Variants in HS6ST1 observed in about 807,000 individuals in gnomAD.
HS6ST1 encodes the protein heparan-sulfate 6-O-sulfotransferase 1.
HS6ST1 carries 3 observed loss-of-function variants against 25.2 expected under a neutral mutation model. The ratio of observed to expected loss-of-function variants is 0.12; its 90% CI spans 0.05 to 0.31. The LOEUF (loss-of-function observed/expected upper bound fraction) is 0.31. Ranked by LOEUF, HS6ST1 falls within the 10% of genes least tolerant of loss-of-function variation. The probability of loss-of-function intolerance (pLI) is 1.00; values close to 1 mark genes in which losing one functional copy is unlikely to be tolerated. For synonymous variants in HS6ST1, 204 were observed against 275.1 expected (o/e 0.74, Z 2.56); for missense variants, 310 against 609.6 (o/e 0.51, Z 5.18).
In HS6ST1 at chr2:128,318,379, G is replaced by A. The variant is rs749924941; in HGVS notation, c.185C>T (p.Pro62Leu). 1.6e-5 allele frequency: 26 copies of A among 1,608,798 alleles called. No individual in the cohort carries two copies. The highest frequency in any genetic ancestry group is 8.5e-6 in the Non-Finnish European group (10 of 1,178,318). Residue 62 changes from proline (P) to leucine (L), a missense_variant, in exon 1 of 2, where the codon CCC (proline) becomes CTC (leucine). Coordinates refer to ENST00000259241, the MANE Select transcript of HS6ST1 (RefSeq NM_004807.3). This position sits in a 1 kb window ranked among gnomAD's most constrained non-coding sequence, Gnocchi z 5.7. The part of the protein sequence containing the change: ...DDLDLFPTPD[P>L]HYEKKYYFPV... ...GAAGTAGTACTTCTTCTCGTAGTGG[G>A]GGTCGGGTGTGGGGAACAGGTCCAG... is the stretch of plus-strand genomic sequence containing the variant.
At chr2:128,300,307 C>T (rs1409985890) in intron 1 of HS6ST1, among the ~76,000 whole-genome samples, 1 of 152,176 alleles carries the variant, frequency 6.6e-6, no homozygotes, top group Non-Finnish European at 1.5e-5. Context: ...CCATCCCTAC[C>T]TGGACCCTGG....
chr2:128,273,136 T>TA (rs1693636967), intron 1 of HS6ST1, among the ~76,000 whole-genome samples: 1 of 152,170 alleles, frequency 6.6e-6, no homozygotes, highest in Non-Finnish European at 1.5e-5. Flanking sequence ...ATATTAGCAG[T>TA]GCTGGCCCAG....
At chr2:128,292,477 G>A (rs375244809) in intron 1 of HS6ST1, among the ~76,000 whole-genome samples, 6 of 152,014 alleles carry the variant, frequency 3.9e-5, no homozygotes, top group Non-Finnish European at 7.4e-5. Context: ...TCCTCACCCC[G>A]GCGCTCTGGG....
At chr2:128,314,414 G>A (rs561042804) in intron 1 of HS6ST1, among the ~76,000 whole-genome samples, 2 of 152,316 alleles carry the variant, frequency 1.3e-5, no homozygotes, top group African/African-American at 2.4e-5. Context: ...AGGTGGCACG[G>A]TGTCAGATGG....
chr2:128,284,895 C>A (rs577628490), intron 1 of HS6ST1, among the ~76,000 whole-genome samples: 5 of 152,324 alleles, frequency 3.3e-5, no homozygotes, highest in South Asian at 4.1e-4. Context: ...CCCCACCCCC[C>A]ACCTGGTGGT....
chr2:128,268,917 G>A (rs368987588), intron 1 of HS6ST1, 47 bp from the exon 2 acceptor site: 6 of 1,522,822 alleles, frequency 3.9e-6, no homozygotes, highest in South Asian at 2.2e-5. Flanking sequence ...CGCAGCATGA[G>A]GGGGGCTACC....
At chr2:128,317,175 C>T (rs1694384089) in intron 1 of HS6ST1, among the ~76,000 whole-genome samples, 1 of 152,230 alleles carries the variant, frequency 6.6e-6, no homozygotes, top group South Asian at 2.1e-4. Context: ...CCCCAGGTTC[C>T]CCTACAAACG....
chr2:128,314,156 C>T (rs1478936711), intron 1 of HS6ST1, among the ~76,000 whole-genome samples: 10 of 152,168 alleles, frequency 6.6e-5, no homozygotes, highest in African/African-American at 2.4e-4. Flanking sequence ...CTCCCTTGAT[C>T]TCAAAGAAGA....
intron 1 of HS6ST1, among the ~76,000 whole-genome samples, chr2:128,269,717 T>C (rs1196996734): frequency 1.3e-5 from 2 of 151,996 alleles, no homozygotes; most frequent in African/African-American, 4.8e-5. Flanking sequence ...CACGCTGGGG[T>C]GGGTGGGCTT....
At chr2:128,315,336 T>C (rs1371215975) in intron 1 of HS6ST1, among the ~76,000 whole-genome samples, 2 of 151,976 alleles carry the variant, frequency 1.3e-5, no homozygotes, top group East Asian at 1.9e-4. Flanking sequence ...TACTGTGCAA[T>C]GGGGAGGCTG....
rs57754041 is a variant in HS6ST1, at chr2:128,290,817, CAAAAAAAAA to C, written c.528-21956_528-21948del. ...CGAAACACCGTCTCTACTAAAAATA[CAAAAAAAAA>C]AAAAAAAAAAAAAAAAAAATTTAGC... On this transcript the variant is annotated intron_variant, in intron 1 of 1. Coordinates refer to ENST00000259241, the MANE Select transcript of HS6ST1 (RefSeq NM_004807.3). Among the ~76,000 whole-genome samples the C allele has an allele frequency of 2.6e-3, 157 of 60,544 alleles. 1 individual carries two copies. The highest frequency in any genetic ancestry group is 7.6e-3 in the African/African-American group (107 of 14,114). The allele number at this position is 60,544 out of a possible 152,430, so 39.7% of individuals were successfully genotyped here.
chr2:128,300,960 T>C (rs1694116682), intron 1 of HS6ST1, among the ~76,000 whole-genome samples: 1 of 152,244 alleles, frequency 6.6e-6, no homozygotes, highest in African/African-American at 2.4e-5. Flanking sequence ...TGAGTGCCTC[T>C]GTCATTGTCA....
chr2:128,306,311 C>A lies in HS6ST1; in HGVS notation c.527+11726G>T, dbSNP rs1382794753. Among the ~76,000 whole-genome samples, 2 of 152,146 alleles carry A rather than the reference C, an allele frequency of 1.3e-5. 1 individual carries two copies. The highest frequency in any genetic ancestry group is 4.1e-4 in the South Asian group (2 of 4,826). ...GCTGGAGGACGTGGCCGCGCCGCTGCGAAGATTTCTCTGCCAGGGAATGTG... is the reference window on the plus strand; with the variant it reads ...GCTGGAGGACGTGGCCGCGCCGCTGAGAAGATTTCTCTGCCAGGGAATGTG... On this transcript the variant is annotated intron_variant, in intron 1 of 1. Transcript: ENST00000259241.
chr2:128,301,693 C>A (rs375266162), intron 1 of HS6ST1, among the ~76,000 whole-genome samples: 77 of 152,276 alleles, frequency 5.1e-4, no homozygotes, highest in African/African-American at 1.8e-3. Flanking sequence ...AGCGTGCGTG[C>A]TTTGTCAGCC....
intron 1 of HS6ST1, among the ~76,000 whole-genome samples, chr2:128,315,316 C>T (rs1186859439): frequency 6.6e-6 from 1 of 152,188 alleles, no homozygotes; most frequent in East Asian, 1.9e-4. Flanking sequence ...CTCAGAGCAG[C>T]CCAGGCTGAT....
intron 1 of HS6ST1, among the ~76,000 whole-genome samples, chr2:128,296,597 C>T (rs1451290293): frequency 1.3e-5 from 2 of 152,110 alleles, no homozygotes; most frequent in Non-Finnish European, 1.5e-5. Flanking sequence ...AGGAAATTAA[C>T]AAAACAATTA....
At chr2:128,315,027 C>T (rs1694341665) in intron 1 of HS6ST1, among the ~76,000 whole-genome samples, 1 of 152,180 alleles carries the variant, frequency 6.6e-6, no homozygotes, top group Non-Finnish European at 1.5e-5. Flanking sequence ...ACCGAGTGGT[C>T]CCTGGAATGG....
intron 1 of HS6ST1, among the ~76,000 whole-genome samples, chr2:128,276,828 G>A (rs1397636048): frequency 2.0e-5 from 3 of 151,984 alleles, no homozygotes; most frequent in Non-Finnish European, 4.4e-5. Flanking sequence ...AGGCCCAGCA[G>A]ATTCCAGGCG....
intron 1 of HS6ST1, among the ~76,000 whole-genome samples, chr2:128,277,259 C>T (rs1407831815): frequency 6.6e-6 from 1 of 152,186 alleles, no homozygotes; most frequent in African/African-American, 2.4e-5. Flanking sequence ...AACCTCTGGC[C>T]TCTTCTGTGA....
Sources: gnomAD v4.1 joint callset for allele counts (sites outside exome capture counted in the v4.1 genomes callset) on GRCh38, gnomAD v4.1.1 for gene constraint, Gnocchi (gnomAD v3.1) non-coding constraint, MANE v1.5 for transcripts, NCBI Gene and HGNC (gene_info 2026-07-23, HGNC 2026-07-21) for gene names.